The following VPS13D variants were observed in gnomAD, a reference collection of about 807,000 sequenced individuals.
VPS13D encodes the protein intermembrane lipid transfer protein VPS13D.
A neutral mutation model predicts 461.9 loss-of-function variants in VPS13D; 187 were observed. That is an observed-to-expected ratio of 0.40 (90% CI 0.36 to 0.46). The LOEUF is 0.46. VPS13D is among the 20% of genes least tolerant of loss of function. The pLI is 0.60. For synonymous variants in VPS13D, 1,951 were observed against 1,986.3 expected (o/e 0.98, Z 0.47); for missense variants, 4,711 against 5,364.9 (o/e 0.88, Z 3.81).
intron 21 of VPS13D, among the ~76,000 whole-genome samples, chr1:12,285,902 TAAATA>T (rs1330113257): frequency 6.6e-6 from 1 of 152,176 alleles, no homozygotes; most frequent in African/African-American, 2.4e-5. Context: ...TAAGGAGAAT[TAAATA>T]AAATGATGCA....
chr1:12,275,623 A>G (rs1641588157), intron 18 of VPS13D, among the ~76,000 whole-genome samples: 2 of 152,192 alleles, frequency 1.3e-5, no homozygotes, highest in South Asian at 2.1e-4. Flanking sequence ...ATACTTTTTT[A>G]TATTTGTGTT....
chr1:12,458,008 G>A (rs1387030385), intron 66 of VPS13D, among the ~76,000 whole-genome samples: 2 of 152,200 alleles, frequency 1.3e-5, no homozygotes, highest in African/African-American at 4.8e-5. Flanking sequence ...GCATCCTTGT[G>A]ACGTGGAGAG....
intron 60 of VPS13D, among the ~76,000 whole-genome samples, chr1:12,393,612 T>C (rs1644457264): frequency 6.6e-6 from 1 of 152,234 alleles, no homozygotes; most frequent in South Asian, 2.1e-4. Context: ...TGAACAAGGA[T>C]GTGGTGGGAA....
chr1:12,475,296 T>C (rs937594575), intron 67 of VPS13D, among the ~76,000 whole-genome samples: 40 of 152,270 alleles, frequency 2.6e-4, no homozygotes, highest in African/African-American at 9.6e-4. Context: ...TCTCAGGTCA[T>C]TCTCCCCCAT....
intron 65 of VPS13D, among the ~76,000 whole-genome samples, chr1:12,428,945 A>G (rs1644958707): frequency 6.6e-6 from 1 of 152,252 alleles, no homozygotes; most frequent in Non-Finnish European, 1.5e-5. Context: ...TGCAAACTGC[A>G]CAGTTCCATG....
rs1185186774 is a variant in VPS13D at position 12,348,831 on chromosome 1, A to G, written c.9078A>G (p.Ser3026=). Residue 3026 remains serine, a synonymous_variant, in exon 45 of 70, where the codon TCA becomes TCG. Coordinates refer to ENST00000620676, the MANE Select transcript of VPS13D (RefSeq NM_015378.4). ...TTATCGCTCTTTCACAGTTCTCTTC[A>G]CTCCCACCAGTGCGGGTGGTCTTTG... ...NIIHPQVYFS[S]LPPVRVVFAV... is the part of the protein sequence containing the mutation. The G allele has an allele frequency of 3.1e-6, 5 of 1,613,726 alleles. No individual in the cohort carries two copies. Among genetic ancestry groups the G allele is most frequent in the African/African-American group, 1.3e-5 (1 of 74,788 alleles).
At chr1:12,242,720 C>A in intron 3 of VPS13D, 130 bp downstream of exon 3, 1 of 791,658 alleles carries the variant, frequency 1.3e-6, no homozygotes, top group Non-Finnish European at 2.0e-6. Flanking sequence ...AGAGTTTAGG[C>A]CAGTCTTAAA....
chr1:12,350,828 A>G (rs1643775940), intron 46 of VPS13D, among the ~76,000 whole-genome samples: 1 of 152,148 alleles, frequency 6.6e-6, no homozygotes, highest in Non-Finnish European at 1.5e-5. Flanking sequence ...GACAGAACAC[A>G]CAAATTACCA....
chr1:12,481,518 C>G (rs1645716603), intron 67 of VPS13D, among the ~76,000 whole-genome samples: 1 of 152,198 alleles, frequency 6.6e-6, no homozygotes, highest in South Asian at 2.1e-4. Context: ...GACAAGTGCT[C>G]TGAAGGTTTG....
At chr1:12,486,610 G>A (rs1348651626) in intron 67 of VPS13D, among the ~76,000 whole-genome samples, 2 of 152,288 alleles carry the variant, frequency 1.3e-5, no homozygotes, top group East Asian at 1.9e-4. Context: ...CTGGGTGAAC[G>A]TGACCCAGGT....
rs1644302381 is a variant in VPS13D at position 12,382,969 on chromosome 1, CT to C, written c.11191-3del. Reference sequence around the variant, plus strand: ...TTCTCACATGTCTCTACTCCAATGTCTTTTAGGCCAAAGGAGGACTTTCTGG... The same window carrying C: ...TTCTCACATGTCTCTACTCCAATGTCTTTAGGCCAAAGGAGGACTTTCTGG... On this transcript the variant is annotated splice_region_variant and splice_polypyrimidine_tract_variant and intron_variant, in intron 57 of 69. Transcript: ENST00000620676. 6.2e-7 allele frequency: 1 copy of C among 1,611,944 alleles called. No individual in the cohort carries two copies. Among genetic ancestry groups the C allele is most frequent in the African/African-American group, 1.3e-5 (1 of 74,726 alleles).
At chr1:12,335,572 T>C (rs920769600) in intron 38 of VPS13D, 133 bp from the exon 39 acceptor site, 2 of 1,169,184 alleles carry the variant, frequency 1.7e-6, no homozygotes, top group Non-Finnish European at 2.4e-6. Context: ...GGCATAGACT[T>C]TCTCGGAATC....
intron 65 of VPS13D, among the ~76,000 whole-genome samples, chr1:12,435,829 G>T (rs1357521498): frequency 6.6e-6 from 1 of 152,146 alleles, no homozygotes; most frequent in Non-Finnish European, 1.5e-5. Flanking sequence ...GTCATTTCCT[G>T]TGCTACCCTG....
rs138252431 is a variant in VPS13D at position 12,244,253 on chromosome 1, T to C, written c.183T>C (p.Ile61=). ...ELPFEVKAGF[I]GKVTLQIPFY... ...CTTTCCTTCTCCTTCCAGGCTTCAT[T>C]GGGAAAGTAACCCTTCAGATTCCCT... Residue 61 remains isoleucine, a synonymous_variant, in exon 4 of 70, where the codon ATT becomes ATC. Transcript: ENST00000620676. 24 of 1,609,458 alleles carry C rather than the reference T, an allele frequency of 1.5e-5. No individual in the cohort carries two copies. The East Asian group carries it at 5.1e-4, about 34-fold the overall frequency.
chr1:12,319,547 A>G lies in VPS13D; in HGVS notation c.7465A>G (p.Ile2489Val), dbSNP rs1642978682. The change falls in exon 32 of 70, where the codon ATT becomes GTT. Residue 2489 changes from isoleucine (I) to valine (V), a missense_variant. By Grantham distance (29) the Ile-to-Val change is conservative. Coordinates refer to ENST00000620676, the MANE Select transcript of VPS13D (RefSeq NM_015378.4). ...EDVSCFDTNA[I>V]ILKGTTVLTY... ...TGTGTCCTGCTTCGACACCAATGCCATTATTCTGAAAGGCACCACAGTGCT... is the reference window on the plus strand; with the variant it reads ...TGTGTCCTGCTTCGACACCAATGCCGTTATTCTGAAAGGCACCACAGTGCT... 5 of 1,614,054 alleles carry G rather than the reference A, an allele frequency of 3.1e-6. No individual in the cohort carries two copies. The highest frequency in any genetic ancestry group is 1.3e-5 in the African/African-American group (1 of 74,910).
Position 12,474,706 on chromosome 1 carries a change from T to A in VPS13D, c.12662+14310T>A, listed in dbSNP as rs115858478. On this transcript the variant is annotated intron_variant, in intron 67 of 69. Coordinates refer to ENST00000620676, the MANE Select transcript of VPS13D (RefSeq NM_015378.4). ...TTTTCTAGATTATAAATGTTCCCTT[T>A]GTAATTCATTTCAAACTTCATCCTC... Among the ~76,000 whole-genome samples, 921 of 152,310 alleles carry A rather than the reference T, an allele frequency of 6.0e-3. 12 individuals carry two copies. The highest frequency in any genetic ancestry group is 0.02 in the African/African-American group (830 of 41,568).
Position 12,346,786 on chromosome 1 carries a change from T to A in VPS13D, c.9069+134T>A, listed in dbSNP as rs1010535728. ...CGATTGAAATTTATCTCTGCCCTTT[T>A]CTATTAATGATTACCTTCCTTTTCC... On this transcript the variant is annotated intron_variant, in intron 44 of 69. Coordinates refer to ENST00000620676, the MANE Select transcript of VPS13D (RefSeq NM_015378.4). 5.9e-6 allele frequency: 5 copies of A among 851,078 alleles called. No homozygotes were observed. The African/African-American group carries it at 8.8e-5, about 15-fold the overall frequency. 52.7% of individuals were successfully genotyped at this position (851,078 alleles called of 1,614,324 possible).
intron 57 of VPS13D, among the ~76,000 whole-genome samples, chr1:12,380,597 T>A (rs1644260409): frequency 6.6e-6 from 1 of 152,082 alleles, no homozygotes; most frequent in Non-Finnish European, 1.5e-5. Context: ...AGAACAGGGG[T>A]CTGAGAAGTA....
Position 12,487,338 on chromosome 1 carries a change from G to A in VPS13D, c.12663-10162G>A, listed in dbSNP as rs190231986. Among the ~76,000 whole-genome samples the A allele has an allele frequency of 3.9e-5, 6 of 152,220 alleles. No individual in the cohort carries two copies. In the East Asian group the frequency reaches 9.7e-4, roughly 25 times the overall value. ...AAAGCAAACAAATCGGGTCAGGCAC[G>A]GTGGCTCACGCCTGTAATCCCCAGC... On this transcript the variant is annotated intron_variant, in intron 67 of 69. Transcript: ENST00000620676.
Sources: allele counts gnomAD v4.1 joint callset (sites outside exome capture counted in the v4.1 genomes callset), GRCh38; gene constraint gnomAD v4.1.1; transcripts MANE v1.5; gene names NCBI Gene and HGNC (gene_info 2026-07-23, HGNC 2026-07-21).